RARB: variants seen among roughly 807,000 people sequenced by gnomAD.
RARB encodes HBV-activated protein.
In RARB, 17 loss-of-function variants were observed where a neutral mutation model predicts 51.9. The observed-to-expected ratio is 0.33, with a 90% CI of 0.22 to 0.49. The LOEUF (loss-of-function observed/expected upper bound fraction) is 0.49. Ranked by LOEUF, RARB falls within the 20% of genes least tolerant of loss-of-function variation. The pLI is 0.99. For synonymous variants in RARB, 215 were observed against 195.4 expected, an observed-to-expected ratio of 1.10 and a Z score of -0.84; for missense variants, 369 against 550.8, an observed-to-expected ratio of 0.67 and a Z score of 3.30.
chr3:25,070,436 A>G (rs903702314), intron 3 of RARB, among the ~76,000 whole-genome samples: 1 of 152,148 alleles, frequency 6.6e-6, no homozygotes, highest in East Asian at 1.9e-4. Context: ...CTTAAACACA[A>G]TTTTCTAATT....
At chr3:25,519,426 C>A (rs1698309999) in intron 3 of RARB, among the ~76,000 whole-genome samples, 1 of 152,188 alleles carries the variant, frequency 6.6e-6, no homozygotes, top group East Asian at 1.9e-4. Flanking sequence ...CCTTGCCATA[C>A]CTTGATATTT....
chr3:24,860,767 G>A (rs1251041148), intron 2 of RARB, among the ~76,000 whole-genome samples: 1 of 152,158 alleles, frequency 6.6e-6, no homozygotes, highest in Non-Finnish European at 1.5e-5. Context: ...CTTGTGTCAG[G>A]TGATAATGTG....
chr3:24,864,872 T>TC (rs1157967553), intron 2 of RARB, among the ~76,000 whole-genome samples: 4 of 152,212 alleles, frequency 2.6e-5, no homozygotes, highest in Non-Finnish European at 5.9e-5. Flanking sequence ...GGGTAGTATT[T>TC]CTAAAGTTTT....
intron 5 of RARB, among the ~76,000 whole-genome samples, chr3:25,589,053 A>G (rs868635379): frequency 6.6e-6 from 1 of 152,198 alleles, no homozygotes; most frequent in Non-Finnish European, 1.5e-5. Flanking sequence ...TTAAACCACC[A>G]CACGTTATAC....
intron 5 of RARB, among the ~76,000 whole-genome samples, chr3:25,192,723 AAC>A (rs1345902481): frequency 6.6e-6 from 1 of 152,052 alleles, no homozygotes; most frequent in Admixed American, 6.6e-5. Context: ...TGAACCACAA[AAC>A]ACACAGACAC....
chr3:25,415,394 T>C (rs1707674788), intron 5 of RARB, among the ~76,000 whole-genome samples: 1 of 152,194 alleles, frequency 6.6e-6, no homozygotes, highest in Admixed American at 6.5e-5. Context: ...ATGGATCTTT[T>C]ATTTTTGTTG....
At chr3:25,408,378 G>T (rs2125499066) in intron 5 of RARB, among the ~76,000 whole-genome samples, 1 of 152,086 alleles carries the variant, frequency 6.6e-6, no homozygotes, top group African/African-American at 2.4e-5. Flanking sequence ...TCTTCCTATG[G>T]CCAAGCAGGA....
chr3:24,952,912 T>C (rs1695929303), intron 2 of RARB, among the ~76,000 whole-genome samples: 1 of 152,190 alleles, frequency 6.6e-6, no homozygotes, highest in Admixed American at 6.5e-5. Flanking sequence ...GTTTTTTCTT[T>C]TGCCTCAGAA....
At chr3:25,076,698 A>G (rs1280771956) in intron 3 of RARB, among the ~76,000 whole-genome samples, 2 of 152,146 alleles carry the variant, frequency 1.3e-5, no homozygotes, top group Non-Finnish European at 2.9e-5. Flanking sequence ...TGAAAAACAA[A>G]TTTTTTGTTT....
intron 3 of RARB, among the ~76,000 whole-genome samples, chr3:25,126,948 C>G (rs971991498): frequency 6.6e-6 from 1 of 152,100 alleles, no homozygotes; most frequent in African/African-American, 2.4e-5. Context: ...CAACTTCCAT[C>G]AAATGCAAGT....
Position 25,394,505 on chromosome 3 carries a change from C to G in RARB, c.179-66688C>G, listed in dbSNP as rs556916746. On this transcript the variant is annotated intron_variant, in intron 5 of 11. Transcript: ENST00000383772. ...AGCACTGTGAGTGGAGTACTGAAGTCCCCCAACTATTATTGTGTTGCCATC... is the reference window on the plus strand; with the variant it reads ...AGCACTGTGAGTGGAGTACTGAAGTGCCCCAACTATTATTGTGTTGCCATC... 2.6e-5 allele frequency among the ~76,000 whole-genome samples: 4 copies of G among 152,104 alleles called. No individual in the cohort carries two copies. In the East Asian group the frequency reaches 7.7e-4, roughly 29 times the overall value.
chr3:24,857,398 C>G (rs1559372959), intron 1 of RARB, among the ~76,000 whole-genome samples: 1 of 152,170 alleles, frequency 6.6e-6, no homozygotes, highest in African/African-American at 2.4e-5. Flanking sequence ...TTTCTAGGGT[C>G]GTCAGATAAA....
At chr3:25,168,894 A>G (rs1189467060) in intron 4 of RARB, among the ~76,000 whole-genome samples, 2 of 152,210 alleles carry the variant, frequency 1.3e-5, no homozygotes, top group Non-Finnish European at 2.9e-5. Flanking sequence ...TACTAAGTGC[A>G]TAACACAATG....
intron 5 of RARB, chr3:25,260,047 A>G: frequency 1.0e-6 from 1 of 958,450 alleles, no homozygotes; most frequent in Non-Finnish European, 1.2e-6. Flanking sequence ...CCATGGTGTG[A>G]GTTCGTGTGT....
chr3:25,531,527 A>G (rs1414328314), intron 3 of RARB, among the ~76,000 whole-genome samples: 2 of 152,090 alleles, frequency 1.3e-5, no homozygotes, highest in African/African-American at 2.4e-5. Context: ...TCTGGTGATA[A>G]TGTATTTAAT....
intron 4 of RARB, among the ~76,000 whole-genome samples, chr3:25,168,077 G>T (rs1453988604): frequency 1.3e-5 from 2 of 152,104 alleles, no homozygotes; most frequent in Admixed American, 1.3e-4. Context: ...AATATGAATG[G>T]ACAGACTAGA....
rs116317628 is a variant in RARB at position 24,862,428 on chromosome 3, C to T, written c.-380+3676C>T. On this transcript the variant is annotated intron_variant, in intron 2 of 11. Coordinates refer to the RARB transcript ENST00000383772. Reference sequence around the variant, plus strand: ...TCCTTATCCATGTTTTTGCCTTCCACAGTTCTGGTTACCCATAGTTAACAG... The same window carrying T: ...TCCTTATCCATGTTTTTGCCTTCCATAGTTCTGGTTACCCATAGTTAACAG... Among the ~76,000 whole-genome samples, 346 of 152,260 alleles carry T rather than the reference C, an allele frequency of 2.3e-3. 1 individual carries two copies. The highest frequency in any genetic ancestry group is 8.0e-3 in the African/African-American group (334 of 41,566).
chr3:24,934,410 G>A (rs937434925), intron 2 of RARB, among the ~76,000 whole-genome samples: 6 of 152,028 alleles, frequency 3.9e-5, no homozygotes, highest in South Asian at 2.1e-4. Flanking sequence ...AGATGACTTC[G>A]AAGATTTAAA....
intron 3 of RARB, among the ~76,000 whole-genome samples, chr3:25,088,544 C>T (rs933337334): frequency 6.6e-5 from 10 of 152,050 alleles, no homozygotes; most frequent in Non-Finnish European, 8.8e-5. Flanking sequence ...CTCAAGGGAA[C>T]CGGGCTGGGA....
Sources: allele counts gnomAD v4.1 joint callset (sites outside exome capture counted in the v4.1 genomes callset), GRCh38; gene constraint gnomAD v4.1.1; transcripts MANE v1.5; gene names NCBI Gene and HGNC (gene_info 2026-07-23, HGNC 2026-07-21).